RANBP17: variants seen among roughly 807,000 people sequenced by gnomAD.
RANBP17 encodes the protein RAN binding protein 17, also known as ran-binding protein 17.
A neutral mutation model predicts 141.2 loss-of-function variants in RANBP17; 158 were observed. That is an observed-to-expected ratio of 1.12 (90% CI 0.98 to 1.28). The LOEUF (loss-of-function observed/expected upper bound fraction) is 1.28. Ranked by LOEUF, RANBP17 falls within the 50% of genes most tolerant of loss-of-function variation. The probability of loss-of-function intolerance (pLI) is 0.00; values close to 1 mark genes in which losing one functional copy is unlikely to be tolerated. For missense variants in RANBP17, 1,438 were observed against 1,290.7 expected, an observed-to-expected ratio of 1.11 and a Z score of -1.75; for synonymous variants, 430 against 450.0, an observed-to-expected ratio of 0.96 and a Z score of 0.56.
chr5:171,154,031 A>AAAAT (rs949511099), intron 14 of RANBP17, among the ~76,000 whole-genome samples: 4 of 152,076 alleles, frequency 2.6e-5, no homozygotes, highest in South Asian at 2.1e-4. Flanking sequence ...CCATCTCAAA[A>AAAAT]AAATAAATAA....
rs1764773768 is a variant in RANBP17 at position 171,240,096 on chromosome 5, T to TGACC, written c.2423-832_2423-831insGACC. 2.0e-5 allele frequency among the ~76,000 whole-genome samples: 3 copies of TGACC among 151,638 alleles called. 1 individual carries two copies. Among genetic ancestry groups the TGACC allele is most frequent in the African/African-American group, 7.3e-5 (3 of 40,924 alleles). On this transcript the variant is annotated intron_variant, in intron 22 of 27. Coordinates refer to ENST00000523189, the MANE Select transcript of RANBP17 (RefSeq NM_022897.5). ...TGTAAATTGAATTTAGTTTCAATTT[T>TGACC]AGAAGCAATACTCATTTGACCAGGA... is the stretch of plus-strand genomic sequence containing the variant.
At chr5:171,112,067 CT>C (rs1443856904) in intron 14 of RANBP17, among the ~76,000 whole-genome samples, 2 of 152,174 alleles carry the variant, frequency 1.3e-5, no homozygotes, top group African/African-American at 4.8e-5. Flanking sequence ...GCAAAGTCAT[CT>C]TGTCCTCACC....
At chr5:170,989,330 C>A (rs1318172595) in intron 14 of RANBP17, among the ~76,000 whole-genome samples, 1 of 151,682 alleles carries the variant, frequency 6.6e-6, no homozygotes. Context: ...TGCTTAACAT[C>A]CATATATTAT....
chr5:171,184,651 G>A (rs866117402), intron 18 of RANBP17, among the ~76,000 whole-genome samples: 1 of 152,138 alleles, frequency 6.6e-6, no homozygotes, highest in Non-Finnish European at 1.5e-5. Flanking sequence ...TAGAGGTAAT[G>A]CATTTGTCAA....
At chr5:170,974,168 T>C (rs1213534746) in intron 14 of RANBP17, among the ~76,000 whole-genome samples, 1 of 152,182 alleles carries the variant, frequency 6.6e-6, no homozygotes. Flanking sequence ...CTAAATGAGA[T>C]GTGGTTGAGA....
chr5:170,986,501 T>A (rs1010397663), intron 14 of RANBP17, among the ~76,000 whole-genome samples: 8 of 151,902 alleles, frequency 5.3e-5, no homozygotes, highest in Non-Finnish European at 1.2e-4. Flanking sequence ...ATACCCCAAT[T>A]ACCCTGATGT....
intron 18 of RANBP17, among the ~76,000 whole-genome samples, chr5:171,191,346 G>A (rs986826525): frequency 1.4e-5 from 2 of 142,900 alleles, no homozygotes; most frequent in Non-Finnish European, 3.0e-5. Context: ...TTTTTGATCC[G>A]CCTGCCCACA....
intron 1 of RANBP17, 77 bp downstream of exon 1, chr5:170,862,128 C>T (rs911363158): frequency 7.4e-7 from 1 of 1,355,710 alleles, no homozygotes; most frequent in Non-Finnish European, 9.5e-7. Flanking sequence ...GACCGAGGGC[C>T]GAGGACAGCG....
chr5:171,084,192 A>G (rs930654265), intron 14 of RANBP17, among the ~76,000 whole-genome samples: 1 of 143,898 alleles, frequency 6.9e-6, no homozygotes, highest in Admixed American at 7.3e-5. Flanking sequence ...ATTCCCACCT[A>G]TGAGTGAGAA....
At chr5:170,893,861 T>C (rs968228103) in intron 4 of RANBP17, among the ~76,000 whole-genome samples, 1 of 152,108 alleles carries the variant, frequency 6.6e-6, no homozygotes, top group Non-Finnish European at 1.5e-5. Flanking sequence ...TTTTGATTAA[T>C]AGATGGTTCA....
chr5:171,116,341 C>T (rs142998090), intron 14 of RANBP17, among the ~76,000 whole-genome samples: 2 of 151,894 alleles, frequency 1.3e-5, no homozygotes, highest in Non-Finnish European at 2.9e-5. Flanking sequence ...AAGAGGGACT[C>T]AGAATCTCTG....
At chr5:170,933,436 T>C (rs1773574187) in intron 12 of RANBP17, among the ~76,000 whole-genome samples, 1 of 152,236 alleles carries the variant, frequency 6.6e-6, no homozygotes, top group African/African-American at 2.4e-5. Flanking sequence ...TGATCTTAGT[T>C]ATTTCTAGCC....
At chr5:171,124,910 G>A (rs993807226) in intron 14 of RANBP17, among the ~76,000 whole-genome samples, 7 of 152,166 alleles carry the variant, frequency 4.6e-5, no homozygotes, top group Non-Finnish European at 8.8e-5. Context: ...CCAATTAAAA[G>A]ATATAGATTG....
intron 14 of RANBP17, among the ~76,000 whole-genome samples, chr5:171,090,131 G>T (rs1786122679): frequency 6.6e-6 from 1 of 152,204 alleles, no homozygotes; most frequent in African/African-American, 2.4e-5. Flanking sequence ...CTCAGAAGAA[G>T]ATAGGAAAAT....
At chr5:171,142,723 C>T (rs1400477422) in intron 14 of RANBP17, among the ~76,000 whole-genome samples, 1 of 152,092 alleles carries the variant, frequency 6.6e-6, no homozygotes, top group African/African-American at 2.4e-5. Flanking sequence ...TCTCAAAGGC[C>T]TACCATGTAC....
In RANBP17 at chr5:170,886,651, C is replaced by CTTTTTTTTTTTTTTTTTTTTTTTTTT. The variant is rs3080616; in HGVS notation, c.256+4778_256+4779insTTTTTTTTTTTTTTTTTTTTTTTTTT. ...ACACTACACCATTCATTTGAGGTGC[C>CTTTTTTTTTTTTTTTTTTTTTTTTTT]TTTTTTTTTTTTTTTTTTTTTTTGA... On this transcript the variant is annotated intron_variant, in intron 3 of 27. Transcript: ENST00000523189. Among the ~76,000 whole-genome samples, 6 of 87,860 alleles carry CTTTTTTTTTTTTTTTTTTTTTTTTTT rather than the reference C, an allele frequency of 6.8e-5. 3 individuals are homozygous for CTTTTTTTTTTTTTTTTTTTTTTTTTT. The allele number at this position is 87,860 out of a possible 152,430, so 57.6% of individuals were successfully genotyped here.
intron 12 of RANBP17, among the ~76,000 whole-genome samples, chr5:170,936,361 T>C (rs1347533019): frequency 6.6e-6 from 1 of 152,156 alleles, no homozygotes; most frequent in African/African-American, 2.4e-5. Context: ...TCTGCGTCAG[T>C]CTCTCTGGGA....
chr5:171,128,579 C>G (rs1203944840), intron 14 of RANBP17, among the ~76,000 whole-genome samples: 1 of 152,082 alleles, frequency 6.6e-6, no homozygotes, highest in Non-Finnish European at 1.5e-5. Flanking sequence ...GGCATAAGTT[C>G]TAGTGTTTGA....
chr5:171,172,733 A>G (rs558804127), intron 16 of RANBP17, among the ~76,000 whole-genome samples: 28 of 151,884 alleles, frequency 1.8e-4, no homozygotes, highest in South Asian at 6.2e-4. Flanking sequence ...TTAGGTTGAA[A>G]TTGATATTTA....
Sources: allele counts gnomAD v4.1 joint callset (sites outside exome capture counted in the v4.1 genomes callset), GRCh38; gene constraint gnomAD v4.1.1; transcripts MANE v1.5; gene names NCBI Gene and HGNC (gene_info 2026-07-23, HGNC 2026-07-21).